Variants in PRCC observed in about 807,000 individuals in gnomAD.
The protein encoded by PRCC is proline rich mitotic checkpoint control factor.
PRCC carries 10 observed loss-of-function variants against 44.0 expected under a neutral mutation model. That is an observed-to-expected ratio of 0.23 (90% CI 0.14 to 0.39). PRCC has a LOEUF of 0.39. Among genes scored for constraint, PRCC ranks in the 10% least tolerant of loss-of-function variants. The pLI, the probability that PRCC is intolerant of heterozygous loss-of-function variation, is 1.00. For synonymous variants in PRCC, 278 were observed against 259.5 expected (o/e 1.07, Z -0.69); for missense variants, 573 against 624.7 (o/e 0.92, Z 0.88).
chr1:156,775,560 G>T (rs1315324470), intron 1 of PRCC, among the ~76,000 whole-genome samples: 2 of 150,998 alleles, frequency 1.3e-5, no homozygotes, highest in Non-Finnish European at 3.0e-5. Flanking sequence ...GCCCAGGCTG[G>T]AGTGCAGTGG....
chr1:156,774,474 TTTTTC>T (rs1338350910), intron 1 of PRCC, among the ~76,000 whole-genome samples: 2 of 151,126 alleles, frequency 1.3e-5, no homozygotes, highest in African/African-American at 2.4e-5. Flanking sequence ...TGCCCAGCCC[TTTTTC>T]TTTTCTTTTT....
intron 1 of PRCC, among the ~76,000 whole-genome samples, chr1:156,776,229 C>T (rs1489991773): frequency 6.6e-6 from 1 of 152,090 alleles, no homozygotes; most frequent in Non-Finnish European, 1.5e-5. Context: ...AATAACTGAG[C>T]ATGGTGGGCA....
intron 2 of PRCC, among the ~76,000 whole-genome samples, chr1:156,783,675 G>A (rs1454938485): frequency 6.6e-6 from 1 of 152,002 alleles, no homozygotes; most frequent in Non-Finnish European, 1.5e-5. Flanking sequence ...GAACCCGTGA[G>A]GTGGAAATTG....
Position 156,794,791 on chromosome 1 carries a change from A to G in PRCC, c.1306A>G (p.Met436Val), listed in dbSNP as rs1373475388. ...MTKSLTEEKT[M>V]KSFSKKKGEQ... Reference sequence around the variant, plus strand: ...TAAGTCATTGACAGAAGAGAAAACCATGAAGTCATTCAGCAAAGTAAGTGG... The same window carrying G: ...TAAGTCATTGACAGAAGAGAAAACCGTGAAGTCATTCAGCAAAGTAAGTGG... The change falls in exon 5 of 7, where the codon ATG becomes GTG. Residue 436 changes from methionine to valine, a missense_variant. Around this residue, in one of 4 missense-constraint regions of PRCC, gnomAD observed 69 missense variants for 139.3 expected, o/e 0.50. Transcript: ENST00000271526. 39 of 1,614,106 alleles carry G rather than the reference A, an allele frequency of 2.4e-5. No individual in the cohort carries two copies. The highest frequency in any genetic ancestry group is 3.0e-5 in the Non-Finnish European group (35 of 1,180,038).
At chr1:156,787,689 G>T (rs1652325154) in intron 3 of PRCC, among the ~76,000 whole-genome samples, 1 of 85,086 alleles carries the variant, frequency 1.2e-5, no homozygotes, top group African/African-American at 5.2e-5. Context: ...TCACTCTGTT[G>T]CCCAGGCTGG....
chr1:156,782,909 TA>T (rs1272079144), intron 2 of PRCC, among the ~76,000 whole-genome samples: 1 of 151,988 alleles, frequency 6.6e-6, no homozygotes, highest in Admixed American at 6.6e-5. Context: ...AGACAATATA[TA>T]TATTTTTTTT....
chr1:156,797,835 G>T (rs1026048311), intron 6 of PRCC, among the ~76,000 whole-genome samples: 1 of 152,138 alleles, frequency 6.6e-6, no homozygotes, highest in Non-Finnish European at 1.5e-5. Flanking sequence ...ATATGTCTTG[G>T]TATTTATTTA....
rs369383449 is a variant in PRCC, at chr1:156,786,943, G to A, written c.852G>A (p.Glu284=). 7 of 1,614,098 alleles carry A rather than the reference G, an allele frequency of 4.3e-6. No individual in the cohort carries two copies. The highest frequency in any genetic ancestry group is 2.2e-5 in the East Asian group (1 of 44,886). ...TTTTCTCCCTCCCTGAAAAGGCTGA[G>A]CCACCTGGAGTTGAGCCATACCCTT... The part of the protein sequence containing the change: ...ENFFSLPEKA[E]PPGVEPYPYP... The change falls in exon 3 of 7, where the codon GAG becomes GAA. Residue 284 remains glutamate (E), a synonymous_variant. Transcript: ENST00000271526.
intron 3 of PRCC, among the ~76,000 whole-genome samples, chr1:156,790,346 G>A (rs1289169156): frequency 6.6e-6 from 1 of 152,218 alleles, no homozygotes; most frequent in Non-Finnish European, 1.5e-5. Flanking sequence ...AGATAGGCTG[G>A]GCGTGGTGGC....
At chr1:156,785,815 CTT>C (rs11371012) in intron 2 of PRCC, among the ~76,000 whole-genome samples, 3 of 140,610 alleles carry the variant, frequency 2.1e-5, no homozygotes. Flanking sequence ...GGGGAAGGGA[CTT>C]TTTTTTTTTT....
chr1:156,774,073 T>C (rs1215607187), intron 1 of PRCC, among the ~76,000 whole-genome samples: 1 of 148,706 alleles, frequency 6.7e-6, no homozygotes, highest in Admixed American at 6.8e-5. Flanking sequence ...GAAAGTGGAA[T>C]AGCAGTTACC....
chr1:156,787,568 A>G (rs1208244835), intron 3 of PRCC, among the ~76,000 whole-genome samples: 1 of 142,596 alleles, frequency 7.0e-6, no homozygotes, highest in Non-Finnish European at 1.5e-5. Flanking sequence ...TACATGGGTA[A>G]ATTGCATGTC....
intron 1 of PRCC, among the ~76,000 whole-genome samples, chr1:156,770,434 G>T (rs1276142534): frequency 1.3e-5 from 2 of 152,352 alleles, no homozygotes; most frequent in South Asian, 4.1e-4. Flanking sequence ...GAGTGCAATG[G>T]CACAATCTCA....
At chr1:156,790,494 G>A (rs1279219318) in intron 3 of PRCC, among the ~76,000 whole-genome samples, 1 of 152,204 alleles carries the variant, frequency 6.6e-6, no homozygotes, top group Non-Finnish European at 1.5e-5. Context: ...GTGCTGGCAT[G>A]CGCCTGTAAT....
intron 1 of PRCC, among the ~76,000 whole-genome samples, chr1:156,781,331 G>A (rs1194097386): frequency 6.6e-6 from 1 of 152,160 alleles, no homozygotes; most frequent in African/African-American, 2.4e-5. Context: ...ATATGAGAGC[G>A]AGTATAGAAC....
Position 156,787,650 on chromosome 1 carries a change from CTTTTT to C in PRCC, c.1083+488_1083+492del, listed in dbSNP as rs56916626. On this transcript the variant is annotated intron_variant, in intron 3 of 6. Transcript: ENST00000271526. ...AGTACCTGATAGGTAGGTTTTTGGC[CTTTTT>C]TTTTTTTTTTTGGAGAAGGAATCTC... is the stretch of plus-strand genomic sequence containing the variant. Among the ~76,000 whole-genome samples the C allele has an allele frequency of 4.1e-4, 22 of 54,174 alleles. 2 individuals carry two copies. Among genetic ancestry groups the C allele is most frequent in the African/African-American group, 3.6e-4 (4 of 11,032 alleles). 35.5% of individuals were successfully genotyped at this position (54,174 alleles called of 152,430 possible).
chr1:156,779,432 C>T (rs549925405), intron 1 of PRCC, among the ~76,000 whole-genome samples: 6 of 151,952 alleles, frequency 3.9e-5, no homozygotes, highest in African/African-American at 7.3e-5. Flanking sequence ...GGCGCAAGCT[C>T]GGCGCTCACT....
In PRCC at chr1:156,767,561, G is replaced by A. The variant is rs1651432409; in HGVS notation, c.-211G>A. On this transcript the variant is annotated 5_prime_UTR_variant, in exon 1 of 7. Coordinates refer to ENST00000271526, the MANE Select transcript of PRCC (RefSeq NM_005973.5). The stretch of plus-strand genomic sequence containing the variant: ...GCCATTAGCTGTGTGTAGTTGCCCG[G>A]GACTAGGAGCTTAAGTGAAGAGGTA... 1.7e-6 allele frequency: 1 copy of A among 588,094 alleles called. No homozygotes were observed. Among genetic ancestry groups the A allele is most frequent in the Admixed American group, 3.2e-5 (1 of 31,520 alleles). 36.4% of individuals were successfully genotyped at this position (588,094 alleles called of 1,614,324 possible).
chr1:156,790,548 A>G (rs573413645), intron 3 of PRCC, among the ~76,000 whole-genome samples: 2 of 152,370 alleles, frequency 1.3e-5, no homozygotes, highest in South Asian at 4.1e-4. Context: ...GCTTGAACCC[A>G]GGAGGCGAGG....
Sources: allele counts gnomAD v4.1 joint callset (sites outside exome capture counted in the v4.1 genomes callset), GRCh38; gene constraint gnomAD v4.1.1; regional missense constraint gnomAD v4.1.1; transcripts MANE v1.5; gene names NCBI Gene and HGNC (gene_info 2026-07-23, HGNC 2026-07-21).